Variants in SEPTIN2 observed in about 807,000 individuals in gnomAD.
SEPTIN2 encodes the protein septin 2.
In SEPTIN2, 34 loss-of-function variants were observed where a neutral mutation model predicts 46.5. The ratio of observed to expected loss-of-function variants is 0.73; its 90% CI spans 0.56 to 0.97. The LOEUF is 0.97. Ranked by LOEUF, SEPTIN2 falls within the 50% of genes least tolerant of loss-of-function variation. The pLI, the probability that SEPTIN2 is intolerant of heterozygous loss-of-function variation, is 0.00. For synonymous variants in SEPTIN2, 175 were observed against 153.4 expected, an observed-to-expected ratio of 1.14 and a Z score of -1.04; for missense variants, 347 against 448.4, an observed-to-expected ratio of 0.77 and a Z score of 2.04.
intron 1 of SEPTIN2, among the ~76,000 whole-genome samples, chr2:241,320,712 C>T (rs190653673): frequency 1.2e-3 from 185 of 152,214 alleles, no homozygotes; most frequent in African/African-American, 4.3e-3. Flanking sequence ...TTGCATGAAT[C>T]CAGGAGGCAG....
chr2:241,344,343 G>A (rs920951113), intron 9 of SEPTIN2, among the ~76,000 whole-genome samples: 15 of 152,084 alleles, frequency 9.9e-5, no homozygotes, highest in Non-Finnish European at 2.2e-4. Context: ...TTAGCTTTTT[G>A]TGTCTTCCAT....
chr2:241,350,247 A>ATAT, intron 12 of SEPTIN2, 44 bp downstream of exon 12: 1 of 887,076 alleles, frequency 1.1e-6, no homozygotes, highest in South Asian at 1.8e-5. Flanking sequence ...GCAGTTACTA[A>ATAT]CATTGTGTCA....
At chr2:241,336,264 A>G in intron 5 of SEPTIN2, 166 bp downstream of exon 5, 1 of 742,486 alleles carries the variant, frequency 1.3e-6, no homozygotes, top group East Asian at 2.8e-5. Context: ...AAGGAATTTT[A>G]TAGAGAGTAA....
rs1384750294 is a variant in SEPTIN2 at position 241,343,114 on chromosome 2, C to T, written c.696+21C>T. ...TCAAGGTAAGAACTGGCTTCAGATC[C>T]ACAACATAAATAACTCCTGTTTACT... is the stretch of plus-strand genomic sequence containing the variant. On this transcript the variant is annotated intron_variant, in intron 8 of 12. Coordinates refer to ENST00000391971, the MANE Select transcript of SEPTIN2 (RefSeq NM_004404.5). 3 of 1,327,402 alleles carry T rather than the reference C, an allele frequency of 2.3e-6. No individual in the cohort carries two copies. In the East Asian group the frequency reaches 6.9e-5, roughly 31 times the overall value. 82.2% of individuals were successfully genotyped at this position (1,327,402 alleles called of 1,614,324 possible).
In SEPTIN2 at chr2:241,346,220, C is replaced by G. The variant is rs752916157; in HGVS notation, c.897C>G (p.Phe299Leu). 3 of 1,613,892 alleles carry G rather than the reference C, an allele frequency of 1.9e-6. No individual in the cohort carries two copies. Among genetic ancestry groups the G allele is most frequent in the Non-Finnish European group, 1.7e-6 (2 of 1,179,898 alleles). The change falls in exon 10 of 13, where the codon TTC becomes TTG. Residue 299 changes from phenylalanine (F) to leucine (L), a missense_variant. Coordinates refer to ENST00000391971, the MANE Select transcript of SEPTIN2 (RefSeq NM_004404.5). ...EVTQDLHYEN[F>L]RSERLKRGGR... ...CCCAGGACCTTCATTATGAAAACTT[C>G]CGTTCTGAGAGACTCAAGAGAGGCG...
chr2:241,335,511 C>A (rs1044146712), intron 4 of SEPTIN2: 16 of 711,384 alleles, frequency 2.2e-5, no homozygotes, highest in African/African-American at 5.4e-5. Flanking sequence ...TGTTTTACAT[C>A]AAAAATGCTG....
chr2:241,327,675 A>G (rs1406711614), intron 3 of SEPTIN2, among the ~76,000 whole-genome samples: 1 of 151,956 alleles, frequency 6.6e-6, no homozygotes, highest in Non-Finnish European at 1.5e-5. Flanking sequence ...ATGAGACAAC[A>G]AGCAGAAGAA....
upstream of SEPTIN2, chr2:241,315,847 C>CG (rs1239044711): frequency 2.2e-5 from 3 of 136,168 alleles, no homozygotes; most frequent in African/African-American, 8.1e-5. Context: ...GGCAAAGGGG[C>CG]GGGGTGACGC....
chr2:241,337,146 TG>T, intron 5 of SEPTIN2: 1 of 448,634 alleles, frequency 2.2e-6, no homozygotes, highest in Non-Finnish European at 3.9e-6. Context: ...CTCTCTCAGG[TG>T]CATCATAACC....
At chr2:241,322,781 G>T (rs2077334639) in intron 1 of SEPTIN2, among the ~76,000 whole-genome samples, 1 of 152,116 alleles carries the variant, frequency 6.6e-6, no homozygotes, top group African/African-American at 2.4e-5. Context: ...GGAAACTCCA[G>T]TGGGTGGCAA....
In SEPTIN2 at chr2:241,335,141, G is replaced by A; in HGVS notation, c.146G>A (p.Gly49Glu). 1 of 1,612,410 alleles carries A rather than the reference G, an allele frequency of 6.2e-7. No individual in the cohort carries two copies. Among genetic ancestry groups the A allele is most frequent in the Non-Finnish European group, 8.5e-7 (1 of 1,178,720 alleles). The change falls in exon 4 of 13, where the codon GGA becomes GAA. Residue 49 changes from glycine to glutamate, a missense_variant. Gly to Glu is a moderately conservative substitution (Grantham distance 98, BLOSUM62 -2). Coordinates refer to ENST00000391971, the MANE Select transcript of SEPTIN2 (RefSeq NM_004404.5). ...TLMVVGESGL[G>E]KSTLINSLFL... ...TTATTTAAAGGTGAATCAGGTCTAG[G>A]AAAATCGACTCTCATAAACAGCCTA...
At chr2:241,338,964 T>A (rs1193566723) in intron 7 of SEPTIN2, among the ~76,000 whole-genome samples, 85 of 106,544 alleles carry the variant, frequency 8.0e-4, no homozygotes, top group Non-Finnish European at 9.9e-4. Context: ...TAATATATAT[T>A]ATAAATATAA....
chr2:241,321,860 A>G (rs1435394571), intron 1 of SEPTIN2, among the ~76,000 whole-genome samples: 2 of 151,692 alleles, frequency 1.3e-5, no homozygotes, highest in African/African-American at 4.9e-5. Flanking sequence ...TTATCTCTGT[A>G]TTATTTGAAA....
rs767529665 is a variant in SEPTIN2, at chr2:241,335,163, C to T, written c.168C>T (p.Ser56=). 1 of 1,613,770 alleles carries T rather than the reference C, an allele frequency of 6.2e-7. No homozygotes were observed. Among genetic ancestry groups the T allele is most frequent in the Non-Finnish European group, 8.5e-7 (1 of 1,179,774 alleles). Residue 56 remains serine, a synonymous_variant, in exon 4 of 13, where the codon AGC becomes AGT. Coordinates refer to ENST00000391971, the MANE Select transcript of SEPTIN2 (RefSeq NM_004404.5). ...SGLGKSTLIN[S]LFLTDLYPER... ...TAGGAAAATCGACTCTCATAAACAG[C>T]CTATTCCTAACTGATCTGTACCCAG... is the stretch of plus-strand genomic sequence containing the variant.
chr2:241,324,021 C>T (rs78637384), intron 1 of SEPTIN2, 195 bp from the exon 2 acceptor site: 5,525 of 544,156 alleles, frequency 0.01, 72 homozygotes, highest in African/African-American at 0.046. Context: ...TGATGTTACA[C>T]GAGCCAGCTG....
intron 12 of SEPTIN2, among the ~76,000 whole-genome samples, chr2:241,350,686 A>G (rs1190574817): frequency 5.3e-5 from 8 of 152,018 alleles, no homozygotes; most frequent in Non-Finnish European, 1.0e-4. Context: ...GTGACTGCTG[A>G]CCTCCTGTTC....
intron 7 of SEPTIN2, among the ~76,000 whole-genome samples, chr2:241,340,926 C>T (rs372766765): frequency 6.6e-6 from 1 of 152,176 alleles, no homozygotes; most frequent in Non-Finnish European, 1.5e-5. Flanking sequence ...TATCTGCCCT[C>T]CCCATGATCC....
At chr2:241,328,648 C>G (rs537786877) in intron 3 of SEPTIN2, among the ~76,000 whole-genome samples, 1 of 151,082 alleles carries the variant, frequency 6.6e-6, no homozygotes, top group African/African-American at 2.4e-5. Context: ...AGGCTGAGGC[C>G]GGAGAATCAC....
At chr2:241,319,619 TCTCA>T (rs1306206647) in intron 1 of SEPTIN2, among the ~76,000 whole-genome samples, 2 of 152,214 alleles carry the variant, frequency 1.3e-5, no homozygotes, top group African/African-American at 2.4e-5. Context: ...TTTGAGACAG[TCTCA>T]CTCTGTCACC....
Sources: allele counts gnomAD v4.1 joint callset (sites outside exome capture counted in the v4.1 genomes callset), GRCh38; gene constraint gnomAD v4.1.1; transcripts MANE v1.5; gene names NCBI Gene and HGNC (gene_info 2026-07-23, HGNC 2026-07-21).